Variants in TAF1 observed in about 807,000 individuals in gnomAD.
TAF1 encodes TATA-box binding protein associated factor 1, also known as transcription initiation factor TFIID subunit 1.
In TAF1, 2 loss-of-function variants were observed where a neutral mutation model predicts 138.5. The ratio of observed to expected loss-of-function variants is 0.01; its 90% CI spans 0.01 to 0.05. TAF1 has a LOEUF of 0.05. Among genes scored for constraint, TAF1 ranks in the 10% least tolerant of loss-of-function variants. TAF1 has a pLI of 1.00. For synonymous variants in TAF1, 437 were observed against 503.2 expected (o/e 0.87, Z 1.76); for missense variants, 709 against 1,478.0 (o/e 0.48, Z 8.53).
chrX:71,393,106 A>G, intron 20 of TAF1, 112 bp downstream of exon 20: 1 of 1,085,545 alleles, frequency 9.2e-7, no homozygotes, highest in Non-Finnish European at 1.2e-6. Flanking sequence ...AGGGTATAGT[A>G]AGCTAAGTCT....
intron 13 of TAF1, among the ~76,000 whole-genome samples, chrX:71,481,165 G>T (rs767125014): frequency 6.3e-5 from 7 of 111,820 alleles, no homozygotes; most frequent in African/African-American, 2.3e-4. Flanking sequence ...TGTGATCCCA[G>T]CTACTCGGGA....
At chrX:71,396,220 G>C (rs2034839029) in intron 22 of TAF1, among the ~76,000 whole-genome samples, 1 of 108,207 alleles carries the variant, frequency 9.2e-6, no homozygotes, top group Non-Finnish European at 1.9e-5. Flanking sequence ...TGTTTGAGAA[G>C]CTTATGTTAG....
chrX:71,431,706 A>G (rs1485137210), intron 32 of TAF1, among the ~76,000 whole-genome samples: 1 of 110,472 alleles, frequency 9.1e-6, no homozygotes, highest in African/African-American at 3.3e-5. Context: ...CATGAGGTCA[A>G]GAGATCGAGA....
intron 13 of TAF1, among the ~76,000 whole-genome samples, chrX:71,489,474 C>T (rs1398358967): frequency 2.7e-5 from 3 of 110,460 alleles, no homozygotes; most frequent in Non-Finnish European, 5.7e-5. Flanking sequence ...ACTGAGAGTT[C>T]GAGACCAGCC....
rs916740866 is a variant in TAF1, at chrX:71,379,105, A to ATTTTTTTTTTTTT, written c.1360+85_1360+97dup. On this transcript the variant is annotated intron_variant, in intron 8 of 37. Transcript: ENST00000423759. The stretch of plus-strand genomic sequence containing the variant: ...GTCACCATAAGTGGGCTCAGCTGTG[A>ATTTTTTTTTTTTT]TTTTTTTTTTTTTTTTTTTTTTTCG... 33 of 486,022 alleles carry ATTTTTTTTTTTTT rather than the reference A, an allele frequency of 6.8e-5. 3 individuals are homozygous for ATTTTTTTTTTTTT. The African/African-American group carries it at 1.5e-3, about 22-fold the overall frequency. 40.1% of individuals were successfully genotyped at this position (486,022 alleles called of 1,213,427 possible).
downstream of TAF1, among the ~76,000 whole-genome samples, chrX:71,468,927 A>G (rs2038826222): frequency 1.9e-5 from 2 of 107,386 alleles, no homozygotes; most frequent in Admixed American, 2.0e-4. Context: ...GGTCAAGGCT[A>G]CGGTGAGCCA....
At chrX:71,506,811 C>G (rs939317234) in intron 13 of TAF1, among the ~76,000 whole-genome samples, 1 of 112,040 alleles carries the variant, frequency 8.9e-6, no homozygotes, top group Non-Finnish European at 1.9e-5. Context: ...ATGTCCATAG[C>G]AGCACTATTC....
At chrX:71,422,040 T>A (rs1172388027) in intron 29 of TAF1, among the ~76,000 whole-genome samples, 2 of 112,285 alleles carry the variant, frequency 1.8e-5, no homozygotes, top group African/African-American at 6.5e-5. Flanking sequence ...GCAATAGGAA[T>A]ACAAACTTTT....
At chrX:71,448,797 GTTTTCTTTTTCT>G (rs1169658561) in intron 32 of TAF1, among the ~76,000 whole-genome samples, 53 of 105,180 alleles carry the variant, frequency 5.0e-4, no homozygotes, top group East Asian at 1.2e-3. Context: ...TATTTCTTTT[GTTTTCTTTTTCT>G]TTTTCTTTTT....
intron 35 of TAF1, among the ~76,000 whole-genome samples, chrX:71,458,620 G>A (rs2038409622): frequency 8.9e-6 from 1 of 111,920 alleles, no homozygotes; most frequent in Non-Finnish European, 1.9e-5. Context: ...ATGAAAAAAG[G>A]GTGTGAAGCA....
chrX:71,496,400 G>T (rs1206335073), intron 13 of TAF1, among the ~76,000 whole-genome samples: 1 of 112,189 alleles, frequency 8.9e-6, no homozygotes, highest in Non-Finnish European at 1.9e-5. Flanking sequence ...GACCTTCAAT[G>T]ATCAATTATA....
At chrX:71,527,214 C>G (rs766483228) in intron 13 of TAF1, among the ~76,000 whole-genome samples, 47 of 108,112 alleles carry the variant, frequency 4.3e-4, no homozygotes, top group South Asian at 8.2e-4. Context: ...AGCGAAACCC[C>G]GTCTCTACTA....
At chrX:71,385,922 G>A (rs1419699517) in intron 14 of TAF1, among the ~76,000 whole-genome samples, 1 of 111,460 alleles carries the variant, frequency 9.0e-6, no homozygotes, top group Non-Finnish European at 1.9e-5. Flanking sequence ...AGCACTTTGG[G>A]AGGCCGAGGT....
At chrX:71,476,607 C>T (rs1310128142) in intron 13 of TAF1, among the ~76,000 whole-genome samples, 2 of 108,942 alleles carry the variant, frequency 1.8e-5, no homozygotes, top group African/African-American at 6.7e-5. Context: ...TATGCCACTG[C>T]ACTCCAGCCT....
At position 71,378,232 on chromosome X, in the gene TAF1, C is replaced by T. The variant is rs377061473; in HGVS notation, c.934-3C>T. On this transcript the variant is annotated splice_polypyrimidine_tract_variant and splice_region_variant and intron_variant, in intron 6 of 37. Coordinates refer to ENST00000423759, the MANE Select transcript of TAF1 (RefSeq NM_004606.5). ...CCTGCTCTACTTCTTTCTTCTGTTACAGATCACGATGATGGCTCCTGTGGA... is the reference window on the plus strand; with the variant it reads ...CCTGCTCTACTTCTTTCTTCTGTTATAGATCACGATGATGGCTCCTGTGGA... The T allele has an allele frequency of 8.3e-7, 1 of 1,210,216 alleles. No homozygotes were observed. The highest frequency in any genetic ancestry group is 1.1e-6 in the Non-Finnish European group (1 of 894,145).
rs143196492 is a variant in TAF1, at chrX:71,449,686, A to G, written c.4754-4484A>G. Among the ~76,000 whole-genome samples the G allele has an allele frequency of 1.4e-4, 16 of 112,463 alleles. No homozygotes were observed. In the East Asian group the frequency reaches 4.4e-3, roughly 31 times the overall value. On this transcript the variant is annotated intron_variant, in intron 32 of 37. Coordinates refer to ENST00000423759, the MANE Select transcript of TAF1 (RefSeq NM_004606.5). ...CAGGTCCCTATAGGTAGAAGAGCCT[A>G]TACTGTAAGGAACTACCGTTGTACA...
At chrX:71,504,835 A>G (rs1036160527) in intron 13 of TAF1, among the ~76,000 whole-genome samples, 2 of 108,668 alleles carry the variant, frequency 1.8e-5, no homozygotes, top group Non-Finnish European at 3.8e-5. Flanking sequence ...GGCAAAGTCT[A>G]AAATATCTAT....
At chrX:71,375,083 A>C (rs1287823434) in intron 3 of TAF1, 84 bp from the exon 4 acceptor site, 3 of 1,138,223 alleles carry the variant, frequency 2.6e-6, no homozygotes, top group Non-Finnish European at 3.5e-6. Context: ...CTCAAAAAAA[A>C]AAAAAAAATT....
chrX:71,410,343 A>G (rs751481476), intron 28 of TAF1, among the ~76,000 whole-genome samples: 47 of 109,381 alleles, frequency 4.3e-4, no homozygotes, highest in Non-Finnish European at 7.4e-4. Context: ...GTGTGCAGCA[A>G]ACCACCATGG....
Sources: allele counts gnomAD v4.1 joint callset (sites outside exome capture counted in the v4.1 genomes callset), GRCh38; gene constraint gnomAD v4.1.1; transcripts MANE v1.5; gene names NCBI Gene and HGNC (gene_info 2026-07-23, HGNC 2026-07-21).